Variants in SLC25A28 observed in about 807,000 individuals in gnomAD.
The protein encoded by SLC25A28 is solute carrier family 25 member 28.
Under a neutral mutation model 31.9 loss-of-function variants are expected in SLC25A28, and 10 were observed. The ratio of observed to expected loss-of-function variants is 0.31; its 90% CI spans 0.19 to 0.53. The LOEUF is 0.53. Ranked by LOEUF, SLC25A28 falls within the 20% of genes least tolerant of loss-of-function variation. SLC25A28 has a pLI of 0.95. For missense variants in SLC25A28, 256 were observed against 490.3 expected (o/e 0.52, Z 4.51); for synonymous variants, 208 against 203.6 (o/e 1.02, Z -0.19).
At chr10:99,638,783 A>G in the SLC25A28 span, among the ~76,000 whole-genome samples, 4 of 152,304 alleles carry the variant, frequency 2.6e-5, no homozygotes, top group East Asian at 1.9e-4. Flanking sequence ...AAATTAAAAA[A>G]CAGTAGATGT....
At chr10:99,625,855 G>T in the SLC25A28 span, among the ~76,000 whole-genome samples, 1 of 152,216 alleles carries the variant, frequency 6.6e-6, no homozygotes. Flanking sequence ...GACAAGGCCT[G>T]TACTTTAGCT....
chr10:99,657,698 TG>T, the SLC25A28 span, among the ~76,000 whole-genome samples: 1 of 151,682 alleles, frequency 6.6e-6, no homozygotes, highest in Non-Finnish European at 1.5e-5. Flanking sequence ...AATCAGGACT[TG>T]GTCAATGACT....
intron 2 of SLC25A28, chr10:99,612,804 T>TA (rs1478406238): frequency 4.8e-6 from 3 of 619,042 alleles, no homozygotes; most frequent in Non-Finnish European, 8.6e-6. Flanking sequence ...GTAAGGTCAC[T>TA]AATGTATTCC....
At chr10:99,654,893 C>T in the SLC25A28 span, among the ~76,000 whole-genome samples, 235 of 152,222 alleles carry the variant, frequency 1.5e-3, 1 homozygote, top group African/African-American at 5.4e-3. Context: ...TTTTGAAATA[C>T]GGGTTTCTAG....
intron 1 of SLC25A28, chr10:99,615,841 T>C: frequency 1.0e-6 from 1 of 985,392 alleles, no homozygotes; most frequent in Non-Finnish European, 1.2e-6. Flanking sequence ...TGTTCAGCAA[T>C]TGCATTGCTC....
the SLC25A28 span, among the ~76,000 whole-genome samples, chr10:99,634,849 C>T: frequency 0.85 from 130,098 of 152,202 alleles, 55,707 homozygotes; most frequent in Middle Eastern, 0.92. Context: ...GTCATCAGGT[C>T]ATCTAAAGTT....
chr10:99,628,177 G>A, the SLC25A28 span, among the ~76,000 whole-genome samples: 1 of 152,202 alleles, frequency 6.6e-6, no homozygotes, highest in South Asian at 2.1e-4. Context: ...ACTATGATAT[G>A]TAAGACTTAC....
At chr10:99,659,205 C>T in the SLC25A28 span, among the ~76,000 whole-genome samples, 1 of 152,228 alleles carries the variant, frequency 6.6e-6, no homozygotes, top group African/African-American at 2.4e-5. This position sits in a 1 kb window ranked among gnomAD's most constrained non-coding sequence, Gnocchi z 4.1. Context: ...GTTCGCGCCC[C>T]AGGGAGGGAA....
At chr10:99,631,878 ATTTTTTTTTTTTATT>A in the SLC25A28 span, among the ~76,000 whole-genome samples, 3 of 92,906 alleles carry the variant, frequency 3.2e-5, no homozygotes, top group Non-Finnish European at 6.0e-5. Context: ...TCAGTATGTT[ATTTTTTTTTTTTATT>A]TTTTTTTTTT....
At chr10:99,644,369 T>G in the SLC25A28 span, among the ~76,000 whole-genome samples, 4 of 152,212 alleles carry the variant, frequency 2.6e-5, no homozygotes, top group Non-Finnish European at 5.9e-5. Flanking sequence ...GTCTGTTTTA[T>G]CAGAGACTAG....
At chr10:99,658,566 G>A in the SLC25A28 span, among the ~76,000 whole-genome samples, 3 of 152,152 alleles carry the variant, frequency 2.0e-5, no homozygotes, top group Non-Finnish European at 4.4e-5. Flanking sequence ...CGACCCTTAA[G>A]ATGGGTGGTA....
the SLC25A28 span, among the ~76,000 whole-genome samples, chr10:99,633,863 A>C: frequency 1.3e-5 from 2 of 152,124 alleles, no homozygotes; most frequent in African/African-American, 2.4e-5. Context: ...ATAAAGCACT[A>C]AACCACCAAA....
At chr10:99,644,454 G>A in the SLC25A28 span, among the ~76,000 whole-genome samples, 1 of 152,056 alleles carries the variant, frequency 6.6e-6, no homozygotes, top group Non-Finnish European at 1.5e-5. Flanking sequence ...TTGAGCCTGT[G>A]TGTCTCTGCC....
rs1272611044 is a variant in SLC25A28, at chr10:99,620,030, G to A, written c.291+15C>T. The A allele has an allele frequency of 3.2e-6, 5 of 1,565,334 alleles. No homozygotes were observed. Among genetic ancestry groups the A allele is most frequent in the East Asian group, 2.5e-5 (1 of 40,570 alleles). On this transcript the variant is annotated intron_variant, in intron 1 of 3. Transcript: ENST00000370495. ...TCAGCCCCAGGTCGGGTTCGAAGCCGGGTGCAGGTCTCACCTTGACGCAGT... is the reference window on the plus strand; with the variant it reads ...TCAGCCCCAGGTCGGGTTCGAAGCCAGGTGCAGGTCTCACCTTGACGCAGT...
chr10:99,635,381 T>C, the SLC25A28 span, among the ~76,000 whole-genome samples: 2 of 152,152 alleles, frequency 1.3e-5, no homozygotes, highest in Non-Finnish European at 2.9e-5. Context: ...AGCTGCCGAA[T>C]GGATAAGAAC....
At chr10:99,616,761 A>G in intron 1 of SLC25A28, 1 of 982,518 alleles carries the variant, frequency 1.0e-6, no homozygotes, top group Non-Finnish European at 1.2e-6. Flanking sequence ...ACTGAGTTCA[A>G]ATCATAACTG....
chr10:99,651,576 T>G, the SLC25A28 span, among the ~76,000 whole-genome samples: 1 of 149,168 alleles, frequency 6.7e-6, no homozygotes, highest in South Asian at 2.1e-4. Context: ...GAGTAGATCT[T>G]AGTTGCCTTT....
chr10:99,643,110 T>C, the SLC25A28 span, among the ~76,000 whole-genome samples: 1 of 152,322 alleles, frequency 6.6e-6, no homozygotes, highest in South Asian at 2.1e-4. Flanking sequence ...TCCCTCTTTT[T>C]CTATTGATTG....
At chr10:99,659,061 T>C in the SLC25A28 span, among the ~76,000 whole-genome samples, 11 of 152,238 alleles carry the variant, frequency 7.2e-5, no homozygotes, top group African/African-American at 2.4e-4. The surrounding 1 kb of genome is among the most constrained non-coding windows in gnomAD (Gnocchi z 4.1). Flanking sequence ...GCCATTCTGG[T>C]AGGGAGGGTC....
Sources: allele counts gnomAD v4.1 joint callset (sites outside exome capture counted in the v4.1 genomes callset), GRCh38; gene constraint gnomAD v4.1.1; non-coding constraint Gnocchi (gnomAD v3.1); transcripts MANE v1.5; gene names NCBI Gene and HGNC (gene_info 2026-07-23, HGNC 2026-07-21).